Variants in PITPNC1 observed in about 807,000 individuals in gnomAD.
PITPNC1 encodes the protein cytoplasmic phosphatidylinositol transfer protein 1.
PITPNC1 carries 18 observed loss-of-function variants against 44.7 expected under a neutral mutation model. The observed-to-expected ratio is 0.40, with a 90% CI of 0.28 to 0.60. The LOEUF is 0.60. Among genes scored for constraint, PITPNC1 ranks in the 20% least tolerant of loss-of-function variants. The probability of loss-of-function intolerance (pLI) is 0.39; values close to 1 mark genes in which losing one functional copy is unlikely to be tolerated. For missense variants in PITPNC1, 290 were observed against 418.4 expected (o/e 0.69, Z 2.68); for synonymous variants, 141 against 149.6 (o/e 0.94, Z 0.42).
intron 1 of PITPNC1, among the ~76,000 whole-genome samples, chr17:67,520,662 G>A (rs1446554407): frequency 6.6e-6 from 1 of 152,076 alleles, no homozygotes; most frequent in East Asian, 1.9e-4. Flanking sequence ...GAACGGGAGC[G>A]CACAGGACTC....
chr17:67,534,191 G>A (rs536210907), intron 2 of PITPNC1, among the ~76,000 whole-genome samples: 4 of 151,746 alleles, frequency 2.6e-5, no homozygotes, highest in East Asian at 2.0e-4. Flanking sequence ...CACCACACCC[G>A]GCCTTTCTTG....
At chr17:67,399,347 G>A (rs1056918858) in intron 1 of PITPNC1, among the ~76,000 whole-genome samples, 1 of 152,078 alleles carries the variant, frequency 6.6e-6, no homozygotes, top group African/African-American at 2.4e-5. Context: ...TCAGTTGGTC[G>A]TTGTCAACTT....
At chr17:67,599,032 ATATTTTTTTT>A (rs1392726897) in intron 5 of PITPNC1, among the ~76,000 whole-genome samples, 3 of 29,302 alleles carry the variant, frequency 1.0e-4, no homozygotes, top group African/African-American at 4.8e-4. Context: ...ATATATATAT[ATATTTTTTTT>A]TTTTTTTTTT....
chr17:67,424,588 C>A (rs1156633493), intron 1 of PITPNC1, among the ~76,000 whole-genome samples: 1 of 151,848 alleles, frequency 6.6e-6, no homozygotes, highest in African/African-American at 2.4e-5. Context: ...ACCTGGGAGG[C>A]GAAGGTTGCA....
intron 1 of PITPNC1, among the ~76,000 whole-genome samples, chr17:67,433,207 A>G (rs1485119361): frequency 6.6e-6 from 1 of 152,226 alleles, no homozygotes; most frequent in Non-Finnish European, 1.5e-5. Context: ...CCTGGCAGTC[A>G]GTGCCAGGAA....
At chr17:67,399,933 C>T (rs1216553338) in intron 1 of PITPNC1, among the ~76,000 whole-genome samples, 3 of 152,214 alleles carry the variant, frequency 2.0e-5, no homozygotes, top group Non-Finnish European at 4.4e-5. Flanking sequence ...ACTCATTTTC[C>T]TGGGCCTCAC....
chr17:67,400,013 A>C (rs2143818937), intron 1 of PITPNC1, among the ~76,000 whole-genome samples: 1 of 152,320 alleles, frequency 6.6e-6, no homozygotes, highest in Non-Finnish European at 1.5e-5. Context: ...TGCAATACGG[A>C]GCCTACTCTG....
Position 67,697,168 on chromosome 17 carries a change from G to C in PITPNC1, c.*4280G>C, listed in dbSNP as rs961894201. 6.7e-6 allele frequency: 1 copy of C among 148,538 alleles called. No homozygotes were observed. Among genetic ancestry groups the C allele is most frequent in the African/African-American group, 2.5e-5 (1 of 40,208 alleles). 9.2% of individuals were successfully genotyped at this position (148,538 alleles called of 1,614,324 possible). A position where few individuals can be genotyped will look rare whatever the true frequency, so the allele number is the denominator to read the frequency against. On this transcript the variant is annotated 3_prime_UTR_variant, in exon 9 of 9. Coordinates refer to ENST00000581322, the MANE Select transcript of PITPNC1 (RefSeq NM_012417.4). Reference sequence around the variant, plus strand: ...CATCCTTCTGTGTCATTTTGTGGCTGTTCTGTGTTTTTCTTCCTAGTTATT... The same window carrying C: ...CATCCTTCTGTGTCATTTTGTGGCTCTTCTGTGTTTTTCTTCCTAGTTATT...
chr17:67,533,064 G>C, intron 2 of PITPNC1, 114 bp downstream of exon 2: 1 of 753,234 alleles, frequency 1.3e-6, no homozygotes, highest in Non-Finnish European at 2.2e-6. Flanking sequence ...AAGTAACTAC[G>C]TCCACCGTCT....
Position 67,605,515 on chromosome 17 carries a change from C to T in PITPNC1, c.367-26628C>T, listed in dbSNP as rs556486856. Among the ~76,000 whole-genome samples, 4 of 152,324 alleles carry T rather than the reference C, an allele frequency of 2.6e-5. No individual in the cohort carries two copies. The East Asian group carries it at 7.7e-4, about 29-fold the overall frequency. ...TTTGCATCTTCATCCTGAAAACCTC[C>T]CGACCTTTCCTTAATGAAGATTTTA... is the stretch of plus-strand genomic sequence containing the variant. On this transcript the variant is annotated intron_variant, in intron 5 of 8. Coordinates refer to ENST00000581322, the MANE Select transcript of PITPNC1 (RefSeq NM_012417.4).
chr17:67,408,583 CCCTTTCCCTTTT>C (rs1440954910), intron 1 of PITPNC1, among the ~76,000 whole-genome samples: 2 of 151,922 alleles, frequency 1.3e-5, no homozygotes, highest in East Asian at 1.9e-4. Flanking sequence ...CCTTCCCTTT[CCCTTTCCCTTTT>C]CCTTTCCCTC....
chr17:67,512,225 G>A (rs537506574), intron 1 of PITPNC1, among the ~76,000 whole-genome samples: 5 of 152,332 alleles, frequency 3.3e-5, no homozygotes, highest in South Asian at 2.1e-4. Context: ...GGGGCCGGGT[G>A]CAGTGGCTCA....
At chr17:67,497,302 C>G (rs1405833842) in intron 1 of PITPNC1, among the ~76,000 whole-genome samples, 3 of 151,588 alleles carry the variant, frequency 2.0e-5, no homozygotes, top group Non-Finnish European at 4.4e-5. Context: ...TCACTGCAAC[C>G]TCCGATTCCC....
chr17:67,507,338 G>A (rs1369554202), intron 1 of PITPNC1, among the ~76,000 whole-genome samples: 1 of 152,126 alleles, frequency 6.6e-6, no homozygotes, highest in East Asian at 1.9e-4. Flanking sequence ...GAGTTCAGAT[G>A]TTGCTGTGTA....
At chr17:67,385,052 G>A (rs540710860) in intron 1 of PITPNC1, among the ~76,000 whole-genome samples, 11 of 152,268 alleles carry the variant, frequency 7.2e-5, no homozygotes, top group East Asian at 3.9e-4. Flanking sequence ...AGGGTCATGC[G>A]TGTGATTTCT....
At chr17:67,520,043 C>T (rs535789107) in intron 1 of PITPNC1, among the ~76,000 whole-genome samples, 97 of 152,322 alleles carry the variant, frequency 6.4e-4, no homozygotes, top group African/African-American at 2.3e-3. Flanking sequence ...CTCAGAAGGT[C>T]TCAAAGATGC....
intron 2 of PITPNC1, among the ~76,000 whole-genome samples, chr17:67,535,014 G>A (rs553322566): frequency 2.6e-5 from 4 of 152,332 alleles, no homozygotes; most frequent in African/African-American, 9.6e-5. Context: ...AGGGTGGATG[G>A]AATTCTCCCA....
At chr17:67,493,938 C>T (rs1244650318) in intron 1 of PITPNC1, among the ~76,000 whole-genome samples, 1 of 152,140 alleles carries the variant, frequency 6.6e-6, no homozygotes, top group African/African-American at 2.4e-5. Context: ...ACCTTTCTTC[C>T]CATACAAACA....
intron 7 of PITPNC1, among the ~76,000 whole-genome samples, chr17:67,671,304 C>T (rs76605467): frequency 0.052 from 7,843 of 152,100 alleles, 243 homozygotes; most frequent in Middle Eastern, 0.13. Context: ...TGAGCATTGC[C>T]CTTTGTAGCT....
Sources: allele counts gnomAD v4.1 joint callset (sites outside exome capture counted in the v4.1 genomes callset), GRCh38; gene constraint gnomAD v4.1.1; transcripts MANE v1.5; gene names NCBI Gene and HGNC (gene_info 2026-07-23, HGNC 2026-07-21).